Variants in EPB41L4B observed in about 807,000 individuals in gnomAD.
The protein encoded by EPB41L4B is band 4.1-like protein 4B.
EPB41L4B carries 30 observed loss-of-function variants against 112.5 expected under a neutral mutation model. That is an observed-to-expected ratio of 0.27 (90% CI 0.20 to 0.36). The LOEUF (loss-of-function observed/expected upper bound fraction) is 0.36, where lower values mean the gene tolerates loss of function less well. Ranked by LOEUF, EPB41L4B falls within the 10% of genes least tolerant of loss-of-function variation. The pLI is 1.00. For missense variants in EPB41L4B, 1,024 were observed against 1,133.3 expected (o/e 0.90, Z 1.38); for synonymous variants, 408 against 439.7 (o/e 0.93, Z 0.90).
chr9:109,319,094 C>T lies in EPB41L4B; in HGVS notation c.306+1047G>A, dbSNP rs144243993. Among the ~76,000 whole-genome samples the T allele has an allele frequency of 1.2e-3, 190 of 152,388 alleles. 1 individual carries two copies. Among genetic ancestry groups the T allele is most frequent in the African/African-American group, 4.3e-3 (178 of 41,596 alleles). ...ACATTCATCTAAAGCTCAATTACCG[C>T]TGTGTCCTCAGTCACACCCAGAAAT... On this transcript the variant is annotated intron_variant, in intron 1 of 25. Transcript: ENST00000374566.
At chr9:109,320,019 G>A (rs928112733) in intron 1 of EPB41L4B, 122 bp downstream of exon 1, 3 of 783,370 alleles carry the variant, frequency 3.8e-6, no homozygotes, top group African/African-American at 3.7e-5. Flanking sequence ...TCGGAGAAGA[G>A]GATGGGGGAG....
intron 25 of EPB41L4B, 34 bp downstream of exon 25, chr9:109,176,517 G>A (rs1462594702): frequency 1.3e-6 from 2 of 1,569,802 alleles, no homozygotes; most frequent in East Asian, 2.3e-5. Flanking sequence ...CCTGTCACCA[G>A]AATTACCTGT....
chr9:109,233,562 G>A (rs1412470143), intron 15 of EPB41L4B, among the ~76,000 whole-genome samples: 11 of 135,940 alleles, frequency 8.1e-5, no homozygotes, highest in Admixed American at 4.8e-4. Context: ...ATGGAGTCTC[G>A]CTCTGTCACC....
rs1401910489 is a variant in EPB41L4B, at chr9:109,320,473, GC to G, written c.-28del. On this transcript the variant is annotated 5_prime_UTR_variant, in exon 1 of 26. Transcript: ENST00000374566. ...CTGGCTGGGGGCGCCCCCTGCCTCC[GC>G]CCCCTGCGCTGCCGCTGCCGCTGCC... 1 of 956,058 alleles carries G rather than the reference GC, an allele frequency of 1.0e-6. No homozygotes were observed. The highest frequency in any genetic ancestry group is 1.2e-6 in the Non-Finnish European group (1 of 811,558). 59.2% of individuals were successfully genotyped at this position (956,058 alleles called of 1,614,324 possible).
chr9:109,265,021 G>A lies in EPB41L4B; in HGVS notation c.537C>T (p.Tyr179=). The A allele has an allele frequency of 1.2e-6, 2 of 1,604,428 alleles. No homozygotes were observed. Among genetic ancestry groups the A allele is most frequent in the Non-Finnish European group, 1.7e-6 (2 of 1,177,726 alleles). Reference sequence around the variant, plus strand: ...CATGCCTGAGTTGTAAAACAAACAGGTACCTGACAAACATATACAAAAGTC... The same window carrying A: ...CATGCCTGAGTTGTAAAACAAACAGATACCTGACAAACATATACAAAAGTC... ...PNNLREEFTR[Y]LFVLQLRHDI... is the part of the protein sequence containing the mutation. The change falls in exon 5 of 26, where the codon TAC becomes TAT. Residue 179 remains tyrosine (Y), a synonymous_variant. Coordinates refer to ENST00000374566, the MANE Select transcript of EPB41L4B (RefSeq NM_019114.5).
intron 1 of EPB41L4B, among the ~76,000 whole-genome samples, chr9:109,283,957 G>T (rs1401265217): frequency 1.3e-5 from 2 of 151,782 alleles, no homozygotes; most frequent in African/African-American, 4.8e-5. Context: ...AATTAGTTGG[G>T]CATGGTGGCA....
At chr9:109,207,406 T>C (rs1298055068) in intron 18 of EPB41L4B, among the ~76,000 whole-genome samples, 1 of 151,574 alleles carries the variant, frequency 6.6e-6, no homozygotes, top group Non-Finnish European at 1.5e-5. Flanking sequence ...CCTGTCTCTA[T>C]AAAAAAAATA....
intron 1 of EPB41L4B, among the ~76,000 whole-genome samples, chr9:109,305,167 G>C (rs1385164622): frequency 6.6e-6 from 1 of 151,432 alleles, no homozygotes. Context: ...TAGGAGGAGA[G>C]GGAATGCTAT....
rs1834128924 is a variant in EPB41L4B at position 109,236,033 on chromosome 9, C to T, written c.1409+7585G>A. 3.9e-5 allele frequency among the ~76,000 whole-genome samples: 6 copies of T among 152,338 alleles called. No individual in the cohort carries two copies. The South Asian group carries it at 8.3e-4, about 21-fold the overall frequency. Reference sequence around the variant, plus strand: ...CCCTTGACAAAACCAGACCACCACACTGTGGACCCTTTAATCCTTCTCTCA... The same window carrying T: ...CCCTTGACAAAACCAGACCACCACATTGTGGACCCTTTAATCCTTCTCTCA... On this transcript the variant is annotated intron_variant, in intron 15 of 25. Transcript: ENST00000374566.
At chr9:109,271,882 A>G (rs900887003) in intron 2 of EPB41L4B, among the ~76,000 whole-genome samples, 1 of 152,214 alleles carries the variant, frequency 6.6e-6, no homozygotes, top group Non-Finnish European at 1.5e-5. Flanking sequence ...CATCTGGCAA[A>G]ATCCTTTCCA....
intron 19 of EPB41L4B, among the ~76,000 whole-genome samples, chr9:109,201,882 GGAGTGGCATAGTCA>G (rs72372130): frequency 0.41 from 61,583 of 151,858 alleles, 12,729 homozygotes; most frequent in African/African-American, 0.48. Context: ...TTTAGGCAAA[GGAGTGGCATAGTCA>G]GATTTACATT....
chr9:109,251,820 G>A (rs1259944088), intron 12 of EPB41L4B, among the ~76,000 whole-genome samples: 1 of 152,172 alleles, frequency 6.6e-6, no homozygotes, highest in African/African-American at 2.4e-5. Context: ...CAGATACAGA[G>A]AAGTGGGTAA....
At chr9:109,218,482 A>G in intron 15 of EPB41L4B, among the ~76,000 whole-genome samples, 1 of 152,138 alleles carries the variant, frequency 6.6e-6, no homozygotes, top group East Asian at 1.9e-4. Flanking sequence ...AATCTGGTGA[A>G]TACCACGAAC....
intron 1 of EPB41L4B, among the ~76,000 whole-genome samples, chr9:109,304,677 A>G (rs1238497108): frequency 6.6e-6 from 1 of 152,094 alleles, no homozygotes; most frequent in Non-Finnish European, 1.5e-5. Flanking sequence ...GGAACTGCCT[A>G]CTCCATGGGG....
chr9:109,219,242 CAG>C (rs1386729194), intron 15 of EPB41L4B, among the ~76,000 whole-genome samples: 2 of 152,178 alleles, frequency 1.3e-5, no homozygotes, highest in Non-Finnish European at 2.9e-5. Flanking sequence ...TAGGGACAAT[CAG>C]AGTTTTTCCT....
intron 4 of EPB41L4B, 59 bp from the exon 5 acceptor site, chr9:109,265,083 C>T (rs1835351202): frequency 6.8e-7 from 1 of 1,466,956 alleles, no homozygotes; most frequent in South Asian, 1.3e-5. Context: ...CTCCCAATCC[C>T]CAGCTTCCCA....
chr9:109,319,403 C>T (rs1157097496), intron 1 of EPB41L4B, among the ~76,000 whole-genome samples: 1 of 152,164 alleles, frequency 6.6e-6, no homozygotes, highest in Non-Finnish European at 1.5e-5. Context: ...GCCTGGCCCC[C>T]CGGGCACCCC....
chr9:109,206,019 C>T (rs1363734850), intron 18 of EPB41L4B, among the ~76,000 whole-genome samples: 1 of 151,868 alleles, frequency 6.6e-6, no homozygotes, highest in African/African-American at 2.4e-5. Flanking sequence ...TCTGGAAGGA[C>T]CTAAATTATT....
intron 1 of EPB41L4B, chr9:109,307,291 A>G: frequency 2.1e-6 from 1 of 476,830 alleles, no homozygotes; most frequent in Non-Finnish European, 4.2e-6. Flanking sequence ...ATAAAGCTAA[A>G]TACCTCTGGA....
Sources: allele counts gnomAD v4.1 joint callset (sites outside exome capture counted in the v4.1 genomes callset), GRCh38; gene constraint gnomAD v4.1.1; transcripts MANE v1.5; gene names NCBI Gene and HGNC (gene_info 2026-07-23, HGNC 2026-07-21).